SLC2A14: variants seen among roughly 807,000 people sequenced by gnomAD.
SLC2A14 encodes the protein solute carrier family 2 member 14.
In SLC2A14, 13 loss-of-function variants were observed where a neutral mutation model predicts 43.0. That is an observed-to-expected ratio of 0.30 (90% confidence interval 0.20 to 0.48). The LOEUF is 0.48. SLC2A14 is among the 20% of genes least tolerant of loss of function. SLC2A14 has a pLI of 0.99. For missense variants in SLC2A14, 428 were observed against 620.4 expected (o/e 0.69, Z 3.29); for synonymous variants, 190 against 233.8 (o/e 0.81, Z 1.71).
intron 2 of SLC2A14, among the ~76,000 whole-genome samples, chr12:7,858,736 T>A (rs1273284959): frequency 6.6e-6 from 1 of 152,038 alleles, no homozygotes; most frequent in East Asian, 1.9e-4. Context: ...CAACCTCAGG[T>A]GATCTGCCTG....
chr12:7,841,443 T>A (rs1865937515), intron 2 of SLC2A14, among the ~76,000 whole-genome samples: 1 of 152,020 alleles, frequency 6.6e-6, no homozygotes, highest in South Asian at 2.1e-4. Context: ...GTATTTTTAG[T>A]AGAGACGGGG....
chr12:7,849,675 C>T (rs919275715), intron 2 of SLC2A14, among the ~76,000 whole-genome samples: 5 of 151,488 alleles, frequency 3.3e-5, no homozygotes, highest in Non-Finnish European at 4.4e-5. Context: ...CTGAGGCAGG[C>T]GGATCACGAG....
intron 9 of SLC2A14, 27 bp downstream of exon 9, chr12:7,819,455 C>A: frequency 3.1e-6 from 5 of 1,609,118 alleles, no homozygotes; most frequent in Non-Finnish European, 4.2e-6. Context: ...TTCCCCCTCC[C>A]TTTTTTTTCA....
At chr12:7,833,077 G>A (rs1186859327) in intron 2 of SLC2A14, among the ~76,000 whole-genome samples, 1 of 152,174 alleles carries the variant, frequency 6.6e-6, no homozygotes, top group East Asian at 1.9e-4. Context: ...AAGAGAAACT[G>A]GGTTGGTCAG....
At chr12:7,857,044 G>T (rs1462444781) in intron 2 of SLC2A14, among the ~76,000 whole-genome samples, 6 of 147,864 alleles carry the variant, frequency 4.1e-5, no homozygotes, top group African/African-American at 1.5e-4. Flanking sequence ...GAGGTCAAGA[G>T]ATTGAGACCA....
chr12:7,863,759 TC>T (rs1944748084), intron 2 of SLC2A14, among the ~76,000 whole-genome samples: 1 of 151,982 alleles, frequency 6.6e-6, no homozygotes, highest in Non-Finnish European at 1.5e-5. Flanking sequence ...AAGCCTAACT[TC>T]CTTTTATTTC....
chr12:7,863,368 C>T (rs757397644), intron 2 of SLC2A14: 30 of 453,568 alleles, frequency 6.6e-5, no homozygotes, highest in South Asian at 4.7e-4. Context: ...GTAACACTCA[C>T]TGCGAGGGTG....
At chr12:7,840,788 A>G (rs1166948907) in intron 2 of SLC2A14, among the ~76,000 whole-genome samples, 1 of 152,180 alleles carries the variant, frequency 6.6e-6, no homozygotes, top group Non-Finnish European at 1.5e-5. Context: ...TCAAGGTGCA[A>G]CCTACTGGCG....
chr12:7,838,673 G>A (rs1592211224), intron 2 of SLC2A14, among the ~76,000 whole-genome samples: 1 of 152,184 alleles, frequency 6.6e-6, no homozygotes, highest in African/African-American at 2.4e-5. Context: ...GCTGGAATGG[G>A]TTAAGACTTT....
chr12:7,848,199 G>A (rs1866615607), intron 2 of SLC2A14, among the ~76,000 whole-genome samples: 1 of 152,116 alleles, frequency 6.6e-6, no homozygotes, highest in South Asian at 2.1e-4. Context: ...TTATAAAGGG[G>A]TTACCTTCAC....
At chr12:7,875,530 T>A (rs956565141), upstream of SLC2A14, among the ~76,000 whole-genome samples, 1 of 151,312 alleles carries the variant, frequency 6.6e-6, no homozygotes, top group African/African-American at 2.4e-5. Flanking sequence ...TTAAAAAAAA[T>A]TATTGCTATG....
intron 2 of SLC2A14, among the ~76,000 whole-genome samples, chr12:7,846,179 T>C (rs1866451798): frequency 6.6e-6 from 1 of 151,996 alleles, no homozygotes; most frequent in African/African-American, 2.4e-5. Context: ...GAATCAGAAT[T>C]ACTGAGAGTA....
At chr12:7,873,388 T>A (rs938894680), upstream of SLC2A14, 45 of 983,046 alleles carry the variant, frequency 4.6e-5, no homozygotes, top group African/African-American at 1.6e-4. Flanking sequence ...ACACCTGTAA[T>A]CCTAGCACTT....
intron 9 of SLC2A14, among the ~76,000 whole-genome samples, chr12:7,819,213 G>A (rs36009731): frequency 0.25 from 37,792 of 151,852 alleles, 5,347 homozygotes; most frequent in Middle Eastern, 0.33. Flanking sequence ...GCAAAACTCC[G>A]TCTCAAACAA....
rs867199392 is a variant in SLC2A14, at chr12:7,814,386, C to T, written c.1424G>A (p.Arg475Lys). The T allele has an allele frequency of 6.2e-7, 1 of 1,612,864 alleles. No homozygotes were observed. Among genetic ancestry groups the T allele is most frequent in the Non-Finnish European group, 8.5e-7 (1 of 1,179,660 alleles). Reference sequence around the variant, plus strand: ...CCCCATGACGCCGTCCTTCCCAGATCTATCTGCACCGTGTGCCTGCCCTTC... The same window carrying T: ...CCCCATGACGCCGTCCTTCCCAGATTTATCTGCACCGTGTGCCTGCCCTTC... ...AFEGQAHGAD[R>K]SGKDGVMGMN... Residue 475 changes from arginine (R) to lysine (K), a missense_variant, in exon 11 of 11, where the codon AGA becomes AAA. Coordinates refer to ENST00000431042, the MANE Select transcript of SLC2A14 (RefSeq NM_001286234.2).
chr12:7,866,119 G>A (rs1176794813), intron 2 of SLC2A14, among the ~76,000 whole-genome samples: 1 of 151,516 alleles, frequency 6.6e-6, no homozygotes, highest in East Asian at 2.0e-4. Context: ...CAGCTACCCA[G>A]GAGGCTGTGG....
At chr12:7,862,624 C>T (rs1435177820) in intron 2 of SLC2A14, among the ~76,000 whole-genome samples, 1 of 152,152 alleles carries the variant, frequency 6.6e-6, no homozygotes, top group Non-Finnish European at 1.5e-5. Flanking sequence ...GTGCGTGATC[C>T]ACTAGGTGAA....
Position 7,814,100 on chromosome 12 carries a change from T to A in SLC2A14, c.*216A>T, listed in dbSNP as rs777038824. ...AATGAAGGTAGGTTCACTCGGTCTC[T>A]CCTAAGCAGAAGAGGATGTCCAGGA... On this transcript the variant is annotated 3_prime_UTR_variant, in exon 11 of 11. Coordinates refer to ENST00000431042, the MANE Select transcript of SLC2A14 (RefSeq NM_001286234.2). 1.4e-6 allele frequency: 1 copy of A among 716,714 alleles called. No individual in the cohort carries two copies. Among genetic ancestry groups the A allele is most frequent in the East Asian group, 2.9e-5 (1 of 34,090 alleles). The allele number at this position is 716,714 out of a possible 1,614,324, so 44.4% of individuals were successfully genotyped here.
intron 2 of SLC2A14, among the ~76,000 whole-genome samples, chr12:7,867,026 TC>T (rs1944948813): frequency 4.0e-5 from 6 of 149,474 alleles, no homozygotes; most frequent in Admixed American, 4.0e-4. Context: ...ACGCCTGTAA[TC>T]CCAGCACTTT....
Sources: allele counts gnomAD v4.1 joint callset (sites outside exome capture counted in the v4.1 genomes callset), GRCh38; gene constraint gnomAD v4.1.1; transcripts MANE v1.5; gene names NCBI Gene and HGNC (gene_info 2026-07-23, HGNC 2026-07-21).